Variants in MSH3 observed in about 807,000 individuals in gnomAD.
MSH3 encodes the protein mutS homolog 3.
In MSH3, 106 loss-of-function variants were observed where a neutral mutation model predicts 123.3. The ratio of observed to expected loss-of-function variants is 0.86; its 90% CI spans 0.73 to 1.01. The LOEUF (loss-of-function observed/expected upper bound fraction) is 1.01, where lower values mean the gene tolerates loss of function less well. MSH3 is among the 50% of genes least tolerant of loss of function. The probability of loss-of-function intolerance (pLI) is 0.00; values close to 1 mark genes in which losing one functional copy is unlikely to be tolerated. For missense variants in MSH3, 1,459 were observed against 1,347.6 expected, an observed-to-expected ratio of 1.08 and a Z score of -1.29; for synonymous variants, 515 against 481.4, an observed-to-expected ratio of 1.07 and a Z score of -0.91.
chr5:80,793,114 A>G (rs6151847), intron 19 of MSH3, among the ~76,000 whole-genome samples: 88 of 152,356 alleles, frequency 5.8e-4, no homozygotes, highest in African/African-American at 2.1e-3. Flanking sequence ...AATACCCAAT[A>G]TGCAAATAGA....
chr5:80,811,075 T>C (rs1042895638), intron 19 of MSH3, among the ~76,000 whole-genome samples: 11 of 152,210 alleles, frequency 7.2e-5, no homozygotes, highest in Admixed American at 3.3e-4. Context: ...CCCCAAGCGT[T>C]TTGGATAAGT....
rs777977568 is a variant in MSH3, at chr5:80,778,752, T to A, written c.2351T>A (p.Phe784Tyr). 1 of 1,612,726 alleles carries A rather than the reference T, an allele frequency of 6.2e-7. No individual in the cohort carries two copies. The change falls in exon 17 of 24, where the codon TTT (phenylalanine) becomes TAT (tyrosine). Residue 784 changes from phenylalanine (F) to tyrosine (Y), a missense_variant. Phe to Tyr is a conservative substitution (Grantham distance 22). Coordinates refer to ENST00000265081, the MANE Select transcript of MSH3 (RefSeq NM_002439.5). ...GCTGTGAGCCGCTTTCACTCTCCTT[T>A]TATTGTAGAAAATTACAGACATCTG... ...TKAVSRFHSPFIVENYRHLNQ... is the reference protein window; with the variant it reads ...TKAVSRFHSPYIVENYRHLNQ...
chr5:80,756,523 A>C (rs6151768), intron 12 of MSH3, among the ~76,000 whole-genome samples: 1 of 152,124 alleles, frequency 6.6e-6, no homozygotes, highest in Non-Finnish European at 1.5e-5. Context: ...TCTTTTATAG[A>C]CAATAGCTAA....
intron 19 of MSH3, among the ~76,000 whole-genome samples, chr5:80,802,580 T>C (rs1003868753): frequency 6.6e-6 from 1 of 152,160 alleles, no homozygotes; most frequent in East Asian, 1.9e-4. Context: ...TTACAAACAA[T>C]CCAGTTATAC....
chr5:80,778,755 T>C lies in MSH3; in HGVS notation c.2354T>C (p.Ile785Thr), dbSNP rs1744351165. 6.2e-7 allele frequency: 1 copy of C among 1,612,888 alleles called. No individual in the cohort carries two copies. The highest frequency in any genetic ancestry group is 8.5e-7 in the Non-Finnish European group (1 of 1,178,860). ...GTGAGCCGCTTTCACTCTCCTTTTA[T>C]TGTAGAAAATTACAGACATCTGAAT... ...KAVSRFHSPF[I>T]VENYRHLNQL... Residue 785 changes from isoleucine (I) to threonine (T), a missense_variant, in exon 17 of 24, where the codon ATT (isoleucine) becomes ACT (threonine). Coordinates refer to ENST00000265081, the MANE Select transcript of MSH3 (RefSeq NM_002439.5).
Position 80,710,763 on chromosome 5 carries a change from T to C in MSH3, c.1341-14690T>C, listed in dbSNP as rs548479532. ...ACGAAAGGATAGGGGTTTTAAAATA[T>C]TATTACTAAGGAGTTCTGTCCTTAG... On this transcript the variant is annotated intron_variant, in intron 8 of 23. Coordinates refer to ENST00000265081, the MANE Select transcript of MSH3 (RefSeq NM_002439.5). Among the ~76,000 whole-genome samples the C allele has an allele frequency of 4.6e-5, 7 of 152,298 alleles. No homozygotes were observed. The East Asian group carries it at 1.4e-3, about 29-fold the overall frequency.
At chr5:80,849,230 G>A (rs996348077) in intron 20 of MSH3, among the ~76,000 whole-genome samples, 1 of 152,142 alleles carries the variant, frequency 6.6e-6, no homozygotes, top group Non-Finnish European at 1.5e-5. Flanking sequence ...GCTTTGCAGG[G>A]TACAGCCTCC....
intron 18 of MSH3, among the ~76,000 whole-genome samples, chr5:80,791,838 T>G (rs966964834): frequency 4.6e-5 from 7 of 151,844 alleles, no homozygotes; most frequent in African/African-American, 1.7e-4. Flanking sequence ...CAGAAGAAGG[T>G]TGGAAAGGGT....
At chr5:80,775,559 A>G (rs1744282993) in intron 15 of MSH3, 135 bp from the exon 16 acceptor site, 1 of 626,114 alleles carries the variant, frequency 1.6e-6, no homozygotes, top group Admixed American at 2.7e-5. Context: ...ACATATATAC[A>G]GTCTGAAAAA....
In MSH3 at chr5:80,665,613, G is replaced by T. The variant is rs6151615; in HGVS notation, c.579+250G>T. ...GCCTTCCAGGTAATTCTGAGGTATT[G>T]CCTGGATCAGGAGCCCTTGACTTGG... On this transcript the variant is annotated intron_variant, in intron 3 of 23. Coordinates refer to ENST00000265081, the MANE Select transcript of MSH3 (RefSeq NM_002439.5). Among the ~76,000 whole-genome samples the T allele has an allele frequency of 0.26, 39,193 of 152,084 alleles. 5,199 individuals carry two copies. The highest frequency in any genetic ancestry group is 0.32 in the Middle Eastern group (94 of 292).
intron 20 of MSH3, among the ~76,000 whole-genome samples, chr5:80,818,873 A>AT (rs966769491): frequency 3.3e-5 from 5 of 152,150 alleles, no homozygotes; most frequent in East Asian, 1.9e-4. Flanking sequence ...ACATCTTTGG[A>AT]TTTTTTTATA....
intron 4 of MSH3, among the ~76,000 whole-genome samples, chr5:80,671,478 T>C (rs1030518221): frequency 2.0e-5 from 3 of 152,222 alleles, no homozygotes; most frequent in Non-Finnish European, 4.4e-5. Context: ...TCTGAGATAA[T>C]GTCACCATGT....
intron 17 of MSH3, among the ~76,000 whole-genome samples, chr5:80,784,240 G>GAAAAAAAAAAAAAAAAAAAAAAAAAAA (rs1561477481): frequency 1.4e-5 from 1 of 70,636 alleles, no homozygotes; most frequent in Non-Finnish European, 2.6e-5. Flanking sequence ...AAAAAAAAAA[G>GAAAAAAAAAAAAAAAAAAAAAAAAAAA]GGAAATAAAT....
At position 80,750,914 on chromosome 5, in the gene MSH3, A is replaced by AC. The variant is rs569347353; in HGVS notation, c.1763+6300dup. 1.6e-3 allele frequency among the ~76,000 whole-genome samples: 239 copies of AC among 152,236 alleles called. 1 individual carries two copies. The highest frequency in any genetic ancestry group is 5.6e-3 in the African/African-American group (233 of 41,574). On this transcript the variant is annotated intron_variant, in intron 12 of 23. Transcript: ENST00000265081. Reference sequence around the variant, plus strand: ...CTTGTACTTGAGGTCTCAACTTAAAACGTTGTGTTAATATCTTCGGAGAGG... The same window carrying AC: ...CTTGTACTTGAGGTCTCAACTTAAAACCGTTGTGTTAATATCTTCGGAGAGG...
chr5:80,752,204 C>T (rs116466855), intron 12 of MSH3, among the ~76,000 whole-genome samples: 6,100 of 151,478 alleles, frequency 0.04, 171 homozygotes, highest in Non-Finnish European at 0.062. Flanking sequence ...ATCTGAGATT[C>T]GAAGAAAGAA....
chr5:80,740,888 T>C (rs1316747064), intron 10 of MSH3, among the ~76,000 whole-genome samples: 1 of 151,864 alleles, frequency 6.6e-6, no homozygotes, highest in East Asian at 1.9e-4. Context: ...CTAATTTTTA[T>C]GTTTTTTAGT....
chr5:80,863,244 C>T (rs1187887363), intron 21 of MSH3, among the ~76,000 whole-genome samples: 2 of 152,160 alleles, frequency 1.3e-5, no homozygotes, highest in Non-Finnish European at 2.9e-5. Context: ...TATTCTGAGT[C>T]AAATATGAGT....
At chr5:80,677,523 A>G (rs1010145636) in intron 7 of MSH3, among the ~76,000 whole-genome samples, 12 of 152,214 alleles carry the variant, frequency 7.9e-5, no homozygotes, top group Admixed American at 7.2e-4. Context: ...ATGTACTGAT[A>G]GTCCATCTCT....
chr5:80,821,514 C>T (rs1271268688), intron 20 of MSH3, among the ~76,000 whole-genome samples: 1 of 152,196 alleles, frequency 6.6e-6, no homozygotes, highest in Non-Finnish European at 1.5e-5. Context: ...TTGACCACAA[C>T]TTTAAAGCAT....
Sources: gnomAD v4.1 joint callset for allele counts (sites outside exome capture counted in the v4.1 genomes callset) on GRCh38, gnomAD v4.1.1 for gene constraint, MANE v1.5 for transcripts, NCBI Gene and HGNC (gene_info 2026-07-23, HGNC 2026-07-21) for gene names.